Variants in DCC observed in about 807,000 individuals in gnomAD.
The protein encoded by DCC is DCC netrin 1 receptor.
A neutral mutation model predicts 172.5 loss-of-function variants in DCC; 58 were observed. That is an observed-to-expected ratio of 0.34 (90% confidence interval 0.27 to 0.42). The LOEUF (loss-of-function observed/expected upper bound fraction) is 0.42, where lower values mean the gene tolerates loss of function less well. DCC is among the 10% of genes least tolerant of loss of function. DCC has a pLI of 1.00. For synonymous variants in DCC, 709 were observed against 644.5 expected (o/e 1.10, Z -1.52); for missense variants, 1,740 against 1,791.0 (o/e 0.97, Z 0.51).
At chr18:53,355,003 T>G (rs2057861203) in intron 15 of DCC, among the ~76,000 whole-genome samples, 1 of 152,106 alleles carries the variant, frequency 6.6e-6, no homozygotes, top group South Asian at 2.1e-4. Context: ...GGCTAGCCAG[T>G]TTTCCCAGCA....
chr18:53,138,585 G>A (rs972995692), intron 7 of DCC, among the ~76,000 whole-genome samples: 4 of 152,186 alleles, frequency 2.6e-5, no homozygotes, highest in East Asian at 3.8e-4. Context: ...ATTAGCATCT[G>A]TGATTCATAC....
intron 3 of DCC, among the ~76,000 whole-genome samples, chr18:52,915,007 C>T (rs1315037489): frequency 2.6e-5 from 4 of 152,000 alleles, no homozygotes; most frequent in African/African-American, 9.7e-5. Context: ...GGAAAAAAGG[C>T]TTTTGCATTC....
intron 9 of DCC, among the ~76,000 whole-genome samples, chr18:53,187,096 T>C (rs371717150): frequency 2.6e-5 from 4 of 151,496 alleles, no homozygotes; most frequent in East Asian, 3.9e-4. Context: ...TTCAAAGAAG[T>C]GGAATCAAAT....
intron 2 of DCC, among the ~76,000 whole-genome samples, chr18:52,865,112 G>C (rs1194395582): frequency 6.6e-6 from 1 of 151,898 alleles, no homozygotes; most frequent in Non-Finnish European, 1.5e-5. Context: ...TGATCCTCCC[G>C]CCTTGGCCTC....
At chr18:53,214,658 T>C (rs1390386237) in intron 11 of DCC, among the ~76,000 whole-genome samples, 1 of 152,148 alleles carries the variant, frequency 6.6e-6, no homozygotes, top group African/African-American at 2.4e-5. Context: ...TAGATTAATA[T>C]GTGTTAACAA....
intron 2 of DCC, among the ~76,000 whole-genome samples, chr18:52,782,295 T>C (rs1033704336): frequency 1.3e-5 from 2 of 152,092 alleles, no homozygotes; most frequent in African/African-American, 2.4e-5. Flanking sequence ...GGCAGGAGTT[T>C]TATTGTGAAG....
intron 1 of DCC, among the ~76,000 whole-genome samples, chr18:52,581,612 C>T (rs2144778355): frequency 6.6e-6 from 1 of 152,100 alleles, no homozygotes; most frequent in East Asian, 1.9e-4. Flanking sequence ...GTCACTTTTT[C>T]TTTTTTGCCT....
intron 2 of DCC, among the ~76,000 whole-genome samples, chr18:52,880,397 C>A (rs2039466202): frequency 6.6e-6 from 1 of 152,152 alleles, no homozygotes; most frequent in Non-Finnish European, 1.5e-5. Context: ...AGTTTGCCTG[C>A]CTCAGCCTCC....
chr18:52,418,144 A>G (rs1987110278), intron 1 of DCC, among the ~76,000 whole-genome samples: 1 of 152,170 alleles, frequency 6.6e-6, no homozygotes, highest in South Asian at 2.1e-4. Flanking sequence ...TACTGGAGCT[A>G]TTTTTTAATT....
intron 1 of DCC, among the ~76,000 whole-genome samples, chr18:52,708,441 CAAAA>C (rs10605224): frequency 1.4e-3 from 191 of 136,160 alleles, no homozygotes; most frequent in African/African-American, 3.9e-3. Context: ...GACTCTGTCT[CAAAA>C]AAAAAAAAAA....
chr18:53,119,364 C>A (rs2043450975), intron 7 of DCC, among the ~76,000 whole-genome samples: 1 of 151,706 alleles, frequency 6.6e-6, no homozygotes, highest in Admixed American at 6.6e-5. Flanking sequence ...GTGTACTTAG[C>A]CTCCCTCAGA....
At chr18:52,663,090 A>G (rs1211939335) in intron 1 of DCC, among the ~76,000 whole-genome samples, 1 of 152,236 alleles carries the variant, frequency 6.6e-6, no homozygotes, top group African/African-American at 2.4e-5. Flanking sequence ...CAACACTGAT[A>G]AAACAAAGAC....
At chr18:52,667,628 C>G (rs1437786498) in intron 1 of DCC, among the ~76,000 whole-genome samples, 2 of 152,188 alleles carry the variant, frequency 1.3e-5, no homozygotes, top group African/African-American at 4.8e-5. Flanking sequence ...AATTTATGCA[C>G]TGCTTCTTCT....
At chr18:53,411,125 A>T (rs1335237003) in intron 20 of DCC, among the ~76,000 whole-genome samples, 1 of 118,256 alleles carries the variant, frequency 8.5e-6, no homozygotes, top group Non-Finnish European at 2.1e-5. Flanking sequence ...CCAAGGTAGA[A>T]ACTATAAAAA....
intron 14 of DCC, among the ~76,000 whole-genome samples, chr18:53,336,060 C>G (rs2057588263): frequency 6.6e-6 from 1 of 152,132 alleles, no homozygotes; most frequent in South Asian, 2.1e-4. Flanking sequence ...GGAACACAAC[C>G]AAACCATATC....
At chr18:52,656,087 T>C (rs967515748) in intron 1 of DCC, among the ~76,000 whole-genome samples, 6 of 147,002 alleles carry the variant, frequency 4.1e-5, no homozygotes, top group Non-Finnish European at 8.9e-5. Flanking sequence ...TATATGTGTG[T>C]GTGTGTATAT....
In DCC at chr18:52,614,652, T is replaced by C. The variant is rs1392533105; in HGVS notation, c.92-137402T>C. Among the ~76,000 whole-genome samples, 10 of 151,912 alleles carry C rather than the reference T, an allele frequency of 6.6e-5. No individual in the cohort carries two copies. The South Asian group carries it at 1.9e-3, about 28-fold the overall frequency. ...TTCTATAAATGTGTCAGGGAAAAAA[T>C]AGATAAAAAAGGAAAATTGGCAAGC... is the stretch of plus-strand genomic sequence containing the variant. On this transcript the variant is annotated intron_variant, in intron 1 of 28. Coordinates refer to ENST00000442544, the MANE Select transcript of DCC (RefSeq NM_005215.4).
chr18:52,483,430 G>GA (rs1469158639), intron 1 of DCC, among the ~76,000 whole-genome samples: 4 of 151,702 alleles, frequency 2.6e-5, no homozygotes, highest in Non-Finnish European at 5.9e-5. Flanking sequence ...CTTTTTTAAT[G>GA]AAAAAAATGC....
At position 53,471,364 on chromosome 18, in the gene DCC, G is replaced by T. The variant is rs562151630; in HGVS notation, c.3736+3354G>T. Among the ~76,000 whole-genome samples the T allele has an allele frequency of 4.6e-5, 7 of 152,276 alleles. No homozygotes were observed. The South Asian group carries it at 1.4e-3, about 32-fold the overall frequency. ...TACAATTAAGTTATTATTGACTACA[G>T]TCACCCTGTTGTGCTATCAAATAGT... On this transcript the variant is annotated intron_variant, in intron 25 of 28. Transcript: ENST00000442544.
Sources: gnomAD v4.1 joint callset for allele counts (sites outside exome capture counted in the v4.1 genomes callset) on GRCh38, gnomAD v4.1.1 for gene constraint, MANE v1.5 for transcripts, NCBI Gene and HGNC (gene_info 2026-07-23, HGNC 2026-07-21) for gene names.